ATXN7: variants seen among roughly 807,000 people sequenced by gnomAD.
The protein encoded by ATXN7 is ataxin-7.
ATXN7 carries 12 observed loss-of-function variants against 70.5 expected under a neutral mutation model. The ratio of observed to expected loss-of-function variants is 0.17; its 90% CI spans 0.11 to 0.28. The LOEUF (loss-of-function observed/expected upper bound fraction) is 0.28, where lower values mean the gene tolerates loss of function less well. ATXN7 is among the 10% of genes least tolerant of loss of function. ATXN7 has a pLI of 1.00. For synonymous variants in ATXN7, 498 were observed against 448.7 expected (o/e 1.11, Z -1.39); for missense variants, 1,256 against 1,131.7 (o/e 1.11, Z -1.58).
rs534899522 is a variant in ATXN7, at chr3:63,884,650, T to G, written c.-110-13749T>G. On this transcript the variant is annotated intron_variant, in intron 1 of 12. Coordinates refer to ENST00000674280, the MANE Select transcript of ATXN7 (RefSeq NM_001377405.1). Reference sequence around the variant, plus strand: ...TCACTGCCAATCTTTTTTTTTTTCTTTCTTATTTTTTTGGGGGGGATCAGG... The same window carrying G: ...TCACTGCCAATCTTTTTTTTTTTCTGTCTTATTTTTTTGGGGGGGATCAGG... 2.0e-5 allele frequency among the ~76,000 whole-genome samples: 3 copies of G among 152,008 alleles called. No homozygotes were observed. The East Asian group carries it at 5.8e-4, about 29-fold the overall frequency.
chr3:63,946,296 AAGAG>A (rs1243230097), intron 4 of ATXN7, among the ~76,000 whole-genome samples: 4 of 152,144 alleles, frequency 2.6e-5, no homozygotes, highest in Non-Finnish European at 4.4e-5. Context: ...GAATTGTAGA[AAGAG>A]CAGAGAGAAG....
chr3:63,912,711 A>AGCC lies in ATXN7; in HGVS notation c.115_116insCGC (p.Gln38_Gln39insPro), dbSNP rs1491283106. On this transcript the variant is annotated inframe_insertion, in exon 3 of 13. Transcript: ENST00000674280. Reference sequence around the variant, plus strand: ...CAGCAGCAGCAGCAGCAGCAGCAGCAGCAGCCGCCGCCTCCGCAGCCCCAG... The same window carrying AGCC: ...CAGCAGCAGCAGCAGCAGCAGCAGCAGCCGCAGCCGCCGCCTCCGCAGCCCCAG... The AGCC allele has an allele frequency of 9.1e-6, 11 of 1,207,004 alleles. No homozygotes were observed. The African/African-American group carries it at 9.9e-5, about 11-fold the overall frequency. The allele number at this position is 1,207,004 out of a possible 1,614,324, so 74.8% of individuals were successfully genotyped here.
At chr3:63,894,534 T>C (rs1703386958) in intron 1 of ATXN7, among the ~76,000 whole-genome samples, 1 of 152,142 alleles carries the variant, frequency 6.6e-6, no homozygotes, top group South Asian at 2.1e-4. Context: ...GTGTTTTGTT[T>C]TGTTTTTGAG....
At chr3:63,863,691 A>C, upstream of ATXN7, 1 of 1,239,114 alleles carries the variant, frequency 8.1e-7, no homozygotes, top group African/African-American at 1.6e-5. Flanking sequence ...GGTTCCCGGA[A>C]GCGGGCCGGG....
intron 8 of ATXN7, among the ~76,000 whole-genome samples, chr3:63,987,460 G>A (rs1202050609): frequency 6.6e-6 from 1 of 152,134 alleles, no homozygotes; most frequent in Admixed American, 6.6e-5. Flanking sequence ...TTTCTTCTCA[G>A]CCTCATCTTC....
At chr3:63,998,623 A>G (rs1416044094) in intron 12 of ATXN7, 2 of 985,268 alleles carry the variant, frequency 2.0e-6, no homozygotes, top group Admixed American at 6.1e-5. Flanking sequence ...AATACTTTTT[A>G]TTATGCTACA....
Position 63,995,994 on chromosome 3 carries a change from C to G in ATXN7, c.2172C>G (p.Ser724=). The change falls in exon 12 of 13, where the codon TCC becomes TCG. Residue 724 remains serine (S), a synonymous_variant. Transcript: ENST00000674280. ...ACTCTTCCTCCTCCTCTTCCTCCTC[C>G]TCCTCTTCTTCTCATTCCATGGAGT... ...LVHSSSSSSS[S]SSSSHSMESF... 6.2e-7 allele frequency: 1 copy of G among 1,614,146 alleles called. No individual in the cohort carries two copies. Among genetic ancestry groups the G allele is most frequent in the South Asian group, 1.1e-5 (1 of 91,086 alleles).
chr3:63,924,734 T>A (rs1704649206), intron 4 of ATXN7, among the ~76,000 whole-genome samples: 1 of 152,040 alleles, frequency 6.6e-6, no homozygotes, highest in Non-Finnish European at 1.5e-5. Context: ...GAACCCTCAT[T>A]GTATGGGGAA....
intron 1 of ATXN7, among the ~76,000 whole-genome samples, chr3:63,882,130 T>C (rs1196899476): frequency 6.6e-6 from 1 of 152,202 alleles, no homozygotes; most frequent in Non-Finnish European, 1.5e-5. Flanking sequence ...TATGTTTAGT[T>C]GCAGCAGTAT....
Position 63,980,071 on chromosome 3 carries a change from C to T in ATXN7, c.656C>T (p.Ser219Phe). The T allele has an allele frequency of 1.2e-6, 2 of 1,614,156 alleles. No individual in the cohort carries two copies. The highest frequency in any genetic ancestry group is 1.7e-6 in the Non-Finnish European group (2 of 1,180,038). ...GTTCTTAGCGCATCCTCATCAAGTT[C>T]CAAGTTGTTGAAATCACCCAAAGAG... ...GGVLSASSSS[S>F]KLLKSPKEKL... Residue 219 changes from serine to phenylalanine, a missense_variant, in exon 6 of 13, where the codon TCC becomes TTC. By Grantham distance (155) the Ser-to-Phe change is radical (BLOSUM62 -2). Transcript: ENST00000674280.
At position 63,996,476 on chromosome 3, in the gene ATXN7, T is replaced by A; in HGVS notation, c.2654T>A (p.Leu885His). ...CAAGGACTGATGAACAGTTCCCTCCTTCATCAGGTAGGAAATGGACTGTGA... is the reference window on the plus strand; with the variant it reads ...CAAGGACTGATGAACAGTTCCCTCCATCATCAGGTAGGAAATGGACTGTGA... The part of the protein sequence containing the change: ...GAQGLMNSSL[L>H]HQPKARP Residue 885 changes from leucine to histidine, a missense_variant, in exon 12 of 13, where the codon CTT becomes CAT. Physicochemically the swap from Leu to His is moderately conservative, Grantham distance 99. Transcript: ENST00000674280. 6.2e-7 allele frequency: 1 copy of A among 1,614,006 alleles called. No individual in the cohort carries two copies. The highest frequency in any genetic ancestry group is 8.5e-7 in the Non-Finnish European group (1 of 1,179,862).
intron 1 of ATXN7, among the ~76,000 whole-genome samples, chr3:63,890,927 G>A (rs1703237536): frequency 6.6e-6 from 1 of 152,172 alleles, no homozygotes; most frequent in African/African-American, 2.4e-5. Flanking sequence ...AGAGACTGAA[G>A]CTCAAGCCAG....
At chr3:63,948,316 C>A (rs2074898165) in intron 4 of ATXN7, among the ~76,000 whole-genome samples, 1 of 152,148 alleles carries the variant, frequency 6.6e-6, no homozygotes, top group Non-Finnish European at 1.5e-5. Context: ...TATCATTTAC[C>A]CAAAATGGGG....
chr3:63,878,956 A>G (rs1018425834), intron 1 of ATXN7, among the ~76,000 whole-genome samples: 1 of 152,198 alleles, frequency 6.6e-6, no homozygotes, highest in Non-Finnish European at 1.5e-5. Context: ...GCTGGCCAGC[A>G]GGTGAATCTA....
intron 1 of ATXN7, among the ~76,000 whole-genome samples, chr3:63,877,812 T>G (rs755867215): frequency 2.6e-5 from 4 of 152,200 alleles, no homozygotes; most frequent in Admixed American, 6.5e-5. Flanking sequence ...CAGCAAGGTA[T>G]TTAGAGACTC....
At chr3:63,875,040 C>T (rs1341676393) in intron 1 of ATXN7, among the ~76,000 whole-genome samples, 1 of 152,106 alleles carries the variant, frequency 6.6e-6, no homozygotes, top group Non-Finnish European at 1.5e-5. Flanking sequence ...GAAGGTTCTG[C>T]CCTCATGACC....
intron 5 of ATXN7, among the ~76,000 whole-genome samples, chr3:63,963,791 G>C (rs369875929): frequency 6.6e-6 from 1 of 152,062 alleles, no homozygotes; most frequent in African/African-American, 2.4e-5. Flanking sequence ...CTTTTTGTCT[G>C]TGTGAACCAA....
rs35434269 is a variant in ATXN7 at position 63,911,236 on chromosome 3, AAGT to A, written c.-11-1351_-11-1349del. On this transcript the variant is annotated intron_variant, in intron 2 of 12. Transcript: ENST00000674280. ...AAATAGTAATATCAACAATTATTGA[AAGT>A]GGTGTGGTCTGCTACTGTTTCAAGT... Among the ~76,000 whole-genome samples, 1,362 of 152,258 alleles carry A rather than the reference AAGT, an allele frequency of 8.9e-3. 17 individuals are homozygous for A. Among genetic ancestry groups the A allele is most frequent in the African/African-American group, 0.029 (1,223 of 41,538 alleles).
In ATXN7 at chr3:63,996,068, C is replaced by A. The variant is rs376073882; in HGVS notation, c.2246C>A (p.Thr749Lys). ...VAHSGPPYPS[T>K]VTSSHSIGLN... ...CACTCTGGGCCTCCCTACCCCTCAA[C>A]GGTAACATCTTCCCATAGCATCGGC... Residue 749 changes from threonine to lysine, a missense_variant, in exon 12 of 13, where the codon ACG (threonine) becomes AAG (lysine). Physicochemically the swap from Thr to Lys is moderately conservative, Grantham distance 78 (BLOSUM62 -1). Transcript: ENST00000674280. 7.4e-6 allele frequency: 12 copies of A among 1,614,064 alleles called. No homozygotes were observed. The highest frequency in any genetic ancestry group is 1.0e-5 in the Non-Finnish European group (12 of 1,180,042).
Sources: gnomAD v4.1 joint callset for allele counts (sites outside exome capture counted in the v4.1 genomes callset) on GRCh38, gnomAD v4.1.1 for gene constraint, MANE v1.5 for transcripts, NCBI Gene and HGNC (gene_info 2026-07-23, HGNC 2026-07-21) for gene names.